Variants in HELLS observed in about 807,000 individuals in gnomAD.
HELLS encodes the protein lymphoid-specific helicase.
In HELLS, 32 loss-of-function variants were observed where a neutral mutation model predicts 120.0. That is an observed-to-expected ratio of 0.27 (90% confidence interval 0.20 to 0.36). The LOEUF is 0.36. HELLS is among the 10% of genes least tolerant of loss of function. HELLS has a pLI of 1.00. For synonymous variants in HELLS, 341 were observed against 323.4 expected, an observed-to-expected ratio of 1.05 and a Z score of -0.58; for missense variants, 650 against 993.4, an observed-to-expected ratio of 0.65 and a Z score of 4.65.
intron 4 of HELLS, among the ~76,000 whole-genome samples, chr10:94,560,622 G>A (rs536838415): frequency 3.3e-5 from 5 of 152,124 alleles, no homozygotes; most frequent in Admixed American, 6.5e-5. Context: ...CTTGAACCAC[G>A]GTAGGCAGAG....
At chr10:94,574,823 A>G (rs1376843610) in intron 9 of HELLS, 87 bp downstream of exon 9, 9 of 962,098 alleles carry the variant, frequency 9.4e-6, no homozygotes, top group Non-Finnish European at 1.4e-5. Flanking sequence ...TAGAACTCTT[A>G]TAATTATATT....
chr10:94,598,855 T>C (rs150478105), intron 21 of HELLS, among the ~76,000 whole-genome samples: 2,179 of 152,286 alleles, frequency 0.014, 56 homozygotes, highest in African/African-American at 0.047. Context: ...CATTTAGATC[T>C]ATGATCTATT....
chr10:94,553,139 CTT>C (rs1843065611), intron 2 of HELLS, among the ~76,000 whole-genome samples: 6 of 152,130 alleles, frequency 3.9e-5, no homozygotes, highest in Admixed American at 3.9e-4. Flanking sequence ...TAGGCAATCA[CTT>C]TTTATGAGGG....
At chr10:94,599,041 C>T (rs935716979) in intron 21 of HELLS, among the ~76,000 whole-genome samples, 3 of 152,026 alleles carry the variant, frequency 2.0e-5, no homozygotes, top group Admixed American at 6.6e-5. Flanking sequence ...ATGCCAGTAT[C>T]GCACTGATTT....
At chr10:94,547,267 ACT>A (rs1388611873) in intron 2 of HELLS, among the ~76,000 whole-genome samples, 1 of 152,120 alleles carries the variant, frequency 6.6e-6, no homozygotes, top group African/African-American at 2.4e-5. Flanking sequence ...AATTTATTAA[ACT>A]CTACCGATAT....
At chr10:94,587,864 T>C (rs1564610202) in intron 12 of HELLS, among the ~76,000 whole-genome samples, 1 of 152,242 alleles carries the variant, frequency 6.6e-6, no homozygotes. Context: ...TTTTAATTTT[T>C]ATTCATTTTT....
intron 3 of HELLS, among the ~76,000 whole-genome samples, chr10:94,556,381 T>C (rs770382617): frequency 2.0e-4 from 30 of 152,248 alleles, no homozygotes; most frequent in Admixed American, 3.3e-4. Flanking sequence ...TTGAGATTCA[T>C]TCATGTCATG....
intron 3 of HELLS, among the ~76,000 whole-genome samples, chr10:94,555,683 G>A (rs1843226299): frequency 6.6e-6 from 1 of 152,190 alleles, no homozygotes; most frequent in African/African-American, 2.4e-5. Context: ...AGGCTGGTGT[G>A]CAGTGCACCA....
chr10:94,549,678 A>T (rs1046498998), intron 2 of HELLS, among the ~76,000 whole-genome samples: 2 of 152,208 alleles, frequency 1.3e-5, no homozygotes, highest in African/African-American at 2.4e-5. Flanking sequence ...GTCCATTGGC[A>T]TACTCTGTAC....
At chr10:94,603,657 T>C (rs2134142180), downstream of HELLS, among the ~76,000 whole-genome samples, 1 of 152,328 alleles carries the variant, frequency 6.6e-6, no homozygotes, top group Admixed American at 6.5e-5. Flanking sequence ...ATCTGTACTT[T>C]TCATCTTGTT....
chr10:94,568,956 C>T (rs1161215976), intron 6 of HELLS, among the ~76,000 whole-genome samples: 2 of 151,820 alleles, frequency 1.3e-5, no homozygotes, highest in Non-Finnish European at 2.9e-5. Context: ...ATTCTCCTGC[C>T]TCATCCTCCC....
chr10:94,574,160 C>T lies in HELLS; in HGVS notation c.678C>T (p.Tyr226=), dbSNP rs1174401074. The change falls in exon 8 of 22, where the codon TAC becomes TAT. Residue 226 remains tyrosine, a synonymous_variant. Coordinates refer to ENST00000348459, the MANE Select transcript of HELLS (RefSeq NM_018063.5). The part of the protein sequence containing the change: ...KHFTGGVMRW[Y]QVEGMEWLRM... ...TCACTGGAGGAGTGATGCGATGGTA[C>T]CAAGTAGAAGGCATGGAATGGCTTA... is the stretch of plus-strand genomic sequence containing the variant. 1 of 1,613,438 alleles carries T rather than the reference C, an allele frequency of 6.2e-7. No homozygotes were observed. The highest frequency in any genetic ancestry group is 8.5e-7 in the Non-Finnish European group (1 of 1,179,472).
chr10:94,565,813 AAT>A, intron 6 of HELLS, among the ~76,000 whole-genome samples: 1 of 152,220 alleles, frequency 6.6e-6, no homozygotes, highest in Non-Finnish European at 1.5e-5. Context: ...AGGTGGATGA[AAT>A]CCATTAGTAA....
chr10:94,581,430 T>G lies in HELLS; in HGVS notation c.1137T>G (p.Leu379=). ...ELKRFNADNK[L]LLTGTPLQNN... ...AACGATTCAATGCTGATAACAAACT[T>G]CTTTTGACTGGTACTCCCTTGCAAA... The change falls in exon 11 of 22, where the codon CTT becomes CTG. Residue 379 remains leucine, a synonymous_variant. Transcript: ENST00000348459. The G allele has an allele frequency of 1.2e-6, 2 of 1,613,190 alleles. No individual in the cohort carries two copies. The highest frequency in any genetic ancestry group is 1.7e-6 in the Non-Finnish European group (2 of 1,179,366).
rs71031590 is a variant in HELLS, at chr10:94,609,011, C to CTTTTTTTT, written c.*2-820_*2-813dup. Among the ~76,000 whole-genome samples the CTTTTTTTT allele has an allele frequency of 2.5e-4, 17 of 68,234 alleles. 1 individual carries two copies. Among genetic ancestry groups the CTTTTTTTT allele is most frequent in the East Asian group, 1.7e-3 (3 of 1,764 alleles). The allele number at this position is 68,234 out of a possible 152,430, so 44.8% of individuals were successfully genotyped here. ...TTACACTTTTTGTCTGTATCCACCT[C>CTTTTTTTT]TTTTTTTTTTTTTTTTTTTTTTTTT... On this transcript the variant is annotated intron_variant, in intron 9 of 9. Coordinates refer to the HELLS transcript ENST00000371327.
At chr10:94,606,616 T>C (rs1846132585), downstream of HELLS, among the ~76,000 whole-genome samples, 4 of 152,170 alleles carry the variant, frequency 2.6e-5, no homozygotes, top group Admixed American at 2.0e-4. Context: ...TCCCAAAGCA[T>C]TGGTATTATA....
chr10:94,549,696 AC>A (rs1842893180), intron 2 of HELLS, among the ~76,000 whole-genome samples: 1 of 152,164 alleles, frequency 6.6e-6, no homozygotes, highest in Non-Finnish European at 1.5e-5. Flanking sequence ...TACTGTAGTT[AC>A]CCAGAGTTGT....
In HELLS at chr10:94,545,832, A is replaced by C; in HGVS notation, c.-90A>C. On this transcript the variant is annotated 5_prime_UTR_variant, in exon 1 of 22. Transcript: ENST00000348459. Reference sequence around the variant, plus strand: ...TTCCCTGGCGGGGGATTTGGCTAGAAGGCTGGGCCGGCAGCGGTTGTGAGG... The same window carrying C: ...TTCCCTGGCGGGGGATTTGGCTAGACGGCTGGGCCGGCAGCGGTTGTGAGG... The C allele has an allele frequency of 7.0e-7, 1 of 1,427,660 alleles. No individual in the cohort carries two copies. Among genetic ancestry groups the C allele is most frequent in the South Asian group, 1.2e-5 (1 of 81,538 alleles). The allele number at this position is 1,427,660 out of a possible 1,614,324, so 88.4% of individuals were successfully genotyped here.
At chr10:94,574,334 T>A in intron 8 of HELLS, 147 bp downstream of exon 8, 1 of 716,652 alleles carries the variant, frequency 1.4e-6, no homozygotes, top group Non-Finnish European at 2.3e-6. Flanking sequence ...TTCTTTACCC[T>A]GAATTTTTAG....
Sources: gnomAD v4.1 joint callset for allele counts (sites outside exome capture counted in the v4.1 genomes callset) on GRCh38, gnomAD v4.1.1 for gene constraint, MANE v1.5 for transcripts, NCBI Gene and HGNC (gene_info 2026-07-23, HGNC 2026-07-21) for gene names.